Variants in ZNF423 observed in about 807,000 individuals in gnomAD.
ZNF423 encodes the protein Ebf-associated zinc finger protein.
ZNF423 carries 12 observed loss-of-function variants against 95.8 expected under a neutral mutation model. That is an observed-to-expected ratio of 0.13 (90% CI 0.08 to 0.20). The LOEUF is 0.20. ZNF423 is among the 10% of genes least tolerant of loss of function. The probability of loss-of-function intolerance (pLI) is 1.00; values close to 1 mark genes in which losing one functional copy is unlikely to be tolerated. For missense variants in ZNF423, 1,316 were observed against 1,737.1 expected (o/e 0.76, Z 4.31); for synonymous variants, 749 against 711.9 (o/e 1.05, Z -0.83).
At position 49,553,904 on chromosome 16, in the gene ZNF423, C is replaced by A. The variant is rs76075889; in HGVS notation, c.3602-28410G>T. ...CCATTAGATGGGGAACTGAAGCCCC[C>A]CAAAAGTGATATGACTGAACCAAAC... On this transcript the variant is annotated intron_variant, in intron 5 of 7. Coordinates refer to ENST00000563137, the MANE Select transcript of ZNF423 (RefSeq NM_001379286.1). Among the ~76,000 whole-genome samples the A allele has an allele frequency of 3.3e-3, 503 of 152,270 alleles. 3 individuals carry two copies. Among genetic ancestry groups the A allele is most frequent in the African/African-American group, 0.012 (490 of 41,540 alleles).
At chr16:49,692,882 T>G (rs1249468705) in intron 3 of ZNF423, among the ~76,000 whole-genome samples, 1 of 152,264 alleles carries the variant, frequency 6.6e-6, no homozygotes, top group African/African-American at 2.4e-5. Context: ...GCAAGGGCTA[T>G]TTCCTTCACC....
intron 3 of ZNF423, among the ~76,000 whole-genome samples, chr16:49,659,252 A>C (rs1272460934): frequency 2.0e-5 from 3 of 152,040 alleles, no homozygotes; most frequent in Non-Finnish European, 4.4e-5. Flanking sequence ...ACTCCTGGCT[A>C]ATTTTTTATA....
intron 3 of ZNF423, among the ~76,000 whole-genome samples, chr16:49,723,202 G>A (rs2032917561): frequency 6.6e-6 from 1 of 152,062 alleles, no homozygotes; most frequent in African/African-American, 2.4e-5. Flanking sequence ...TGATCCGCCT[G>A]CCTCGGCCTC....
chr16:49,689,114 A>T (rs779007408), intron 3 of ZNF423, among the ~76,000 whole-genome samples: 5 of 152,074 alleles, frequency 3.3e-5, no homozygotes, highest in Non-Finnish European at 7.4e-5. Flanking sequence ...TCATGTGTTT[A>T]CCCGGGGCAT....
chr16:49,830,445 T>A (rs752214742), intron 1 of ZNF423, among the ~76,000 whole-genome samples: 1 of 152,130 alleles, frequency 6.6e-6, no homozygotes, highest in Non-Finnish European at 1.5e-5. Flanking sequence ...CTTGCTGGCC[T>A]AATTCAAATT....
chr16:49,743,357 G>T (rs571051125), intron 2 of ZNF423, among the ~76,000 whole-genome samples: 7 of 152,272 alleles, frequency 4.6e-5, no homozygotes, highest in African/African-American at 1.4e-4. Context: ...CAGTCCTCAT[G>T]ATTTTATTTG....
At chr16:49,583,837 G>A (rs1970743478) in intron 5 of ZNF423, among the ~76,000 whole-genome samples, 1 of 152,116 alleles carries the variant, frequency 6.6e-6, no homozygotes, top group African/African-American at 2.4e-5. Context: ...GTCCAAAGTT[G>A]GGAATCCAAA....
intron 2 of ZNF423, among the ~76,000 whole-genome samples, chr16:49,783,383 G>A (rs1254780541): frequency 1.0e-4 from 15 of 149,366 alleles, no homozygotes; most frequent in East Asian, 8.0e-4. Flanking sequence ...TGGGATGGGC[G>A]GGAAAGAGGG....
chr16:49,802,041 G>A lies in ZNF423; in HGVS notation c.41-12495C>T, dbSNP rs561920015. On this transcript the variant is annotated intron_variant, in intron 1 of 7. Coordinates refer to ENST00000563137, the MANE Select transcript of ZNF423 (RefSeq NM_001379286.1). ...TTAATTTTTAATTTTTTTCAGATGC[G>A]TCTCACTGTGTGGCCAGGCTGGTCT... Among the ~76,000 whole-genome samples, 41 of 152,072 alleles carry A rather than the reference G, an allele frequency of 2.7e-4. 1 individual carries two copies. The South Asian group carries it at 6.2e-3, about 23-fold the overall frequency.
chr16:49,803,737 T>G (rs759642812), intron 1 of ZNF423, among the ~76,000 whole-genome samples: 30 of 151,956 alleles, frequency 2.0e-4, no homozygotes, highest in Non-Finnish European at 3.2e-4. Context: ...AACTACGGTA[T>G]GCTGGAGGTT....
At chr16:49,780,764 C>T (rs1220054128) in intron 2 of ZNF423, among the ~76,000 whole-genome samples, 2 of 152,274 alleles carry the variant, frequency 1.3e-5, no homozygotes, top group African/African-American at 4.8e-5. Flanking sequence ...CTTAGCTCAA[C>T]TCCCCACAGG....
chr16:49,576,626 C>A (rs1970509833), intron 5 of ZNF423, among the ~76,000 whole-genome samples: 1 of 152,174 alleles, frequency 6.6e-6, no homozygotes, highest in Non-Finnish European at 1.5e-5. Flanking sequence ...TGTTGGAAAA[C>A]CCCCAGAGCC....
At chr16:49,856,182 G>T (rs1283552930), upstream of ZNF423, 2 of 37,958 alleles carry the variant, frequency 5.3e-5, no homozygotes, top group Admixed American at 3.1e-4. Flanking sequence ...GCCGGCCCCC[G>T]GCCCCTGCGG....
intron 1 of ZNF423, among the ~76,000 whole-genome samples, chr16:49,841,557 T>A (rs896923694): frequency 1.3e-5 from 2 of 152,086 alleles, no homozygotes; most frequent in Admixed American, 1.3e-4. Flanking sequence ...GGTGTTGTGA[T>A]TCCATCCCTC....
intron 3 of ZNF423, chr16:49,712,020 G>C (rs1027002558): frequency 6.6e-6 from 1 of 152,206 alleles, no homozygotes; most frequent in African/African-American, 2.4e-5. Flanking sequence ...ACACCTGGGA[G>C]GCTGAGGCAG....
intron 5 of ZNF423, among the ~76,000 whole-genome samples, chr16:49,568,938 A>C (rs1970276427): frequency 6.6e-6 from 1 of 151,836 alleles, no homozygotes; most frequent in African/African-American, 2.4e-5. Context: ...TTAACTCTTC[A>C]TGTCTCTACT....
At chr16:49,620,813 A>C (rs958439477) in intron 5 of ZNF423, among the ~76,000 whole-genome samples, 1 of 152,204 alleles carries the variant, frequency 6.6e-6, no homozygotes, top group Non-Finnish European at 1.5e-5. Context: ...ACAAACTAAA[A>C]GTAAGGCCTC....
intron 3 of ZNF423, among the ~76,000 whole-genome samples, chr16:49,677,315 G>GAAGAGAT (rs1567284183): frequency 5.7e-5 from 1 of 17,656 alleles, no homozygotes; most frequent in African/African-American, 1.4e-4. Context: ...AGAGAAAGGA[G>GAAGAGAT]GGGAAGGGAG....
At chr16:49,738,089 G>T (rs184544037) in intron 2 of ZNF423, among the ~76,000 whole-genome samples, 1 of 152,252 alleles carries the variant, frequency 6.6e-6, no homozygotes, top group East Asian at 1.9e-4. Context: ...ACAATCACAC[G>T]CACTCACCCA....
Sources: gnomAD v4.1 joint callset for allele counts (sites outside exome capture counted in the v4.1 genomes callset) on GRCh38, gnomAD v4.1.1 for gene constraint, MANE v1.5 for transcripts, NCBI Gene and HGNC (gene_info 2026-07-23, HGNC 2026-07-21) for gene names.